The following CEP112 variants were observed in gnomAD, a reference collection of about 807,000 sequenced individuals.
CEP112 encodes the protein centrosomal protein 112, also known as centrosomal protein of 112 kDa.
A neutral mutation model predicts 153.0 loss-of-function variants in CEP112; 127 were observed. That is an observed-to-expected ratio of 0.83 (90% CI 0.72 to 0.96). The LOEUF (loss-of-function observed/expected upper bound fraction) is 0.96. CEP112 is among the 40% of genes least tolerant of loss of function. The pLI, the probability that CEP112 is intolerant of heterozygous loss-of-function variation, is 0.00. For synonymous variants in CEP112, 358 were observed against 374.4 expected, an observed-to-expected ratio of 0.96 and a Z score of 0.51; for missense variants, 1,089 against 1,101.2, an observed-to-expected ratio of 0.99 and a Z score of 0.16.
intron 23 of CEP112, among the ~76,000 whole-genome samples, chr17:65,719,300 C>T (rs776662646): frequency 2.0e-5 from 3 of 152,176 alleles, no homozygotes; most frequent in African/African-American, 7.2e-5. Context: ...TTAGTCCGGG[C>T]GCAGGGGCTC....
intron 19 of CEP112, among the ~76,000 whole-genome samples, chr17:65,917,386 T>C (rs552677268): frequency 2.0e-5 from 3 of 152,168 alleles, no homozygotes; most frequent in African/African-American, 7.2e-5. Flanking sequence ...ATCATACATA[T>C]CTAGAAATCA....
intron 8 of CEP112, among the ~76,000 whole-genome samples, chr17:66,085,985 A>AG (rs962970715): frequency 1.3e-5 from 2 of 151,636 alleles, no homozygotes; most frequent in Non-Finnish European, 2.9e-5. Context: ...GTCTCAAAAA[A>AG]AAAAAAAAAA....
chr17:65,841,301 C>T (rs2057507381), intron 21 of CEP112, among the ~76,000 whole-genome samples: 1 of 151,936 alleles, frequency 6.6e-6, no homozygotes, highest in Admixed American at 6.6e-5. Flanking sequence ...ATATACACAA[C>T]AGAGTATGAC....
chr17:65,825,458 G>A (rs1278205749), intron 21 of CEP112, among the ~76,000 whole-genome samples: 3 of 152,138 alleles, frequency 2.0e-5, no homozygotes, highest in Non-Finnish European at 4.4e-5. Context: ...GTACGGGTCT[G>A]CAGCCCAGGG....
At chr17:65,655,994 C>T (rs957941099) in intron 24 of CEP112, among the ~76,000 whole-genome samples, 1 of 152,192 alleles carries the variant, frequency 6.6e-6, no homozygotes, top group Non-Finnish European at 1.5e-5. Flanking sequence ...AGCATTTACT[C>T]CAGCATTATT....
At chr17:66,054,731 C>A (rs772183173) in intron 11 of CEP112, among the ~76,000 whole-genome samples, 13 of 152,160 alleles carry the variant, frequency 8.5e-5, no homozygotes, top group Non-Finnish European at 1.8e-4. Flanking sequence ...GGAGTCCAAA[C>A]AGTCCAAATG....
intron 8 of CEP112, among the ~76,000 whole-genome samples, chr17:66,081,626 A>G (rs2067721717): frequency 6.6e-6 from 1 of 151,866 alleles, no homozygotes. Context: ...AAAAAAAAAA[A>G]AGGCCTAATT....
At chr17:65,888,162 A>G (rs1171881283) in intron 20 of CEP112, among the ~76,000 whole-genome samples, 3 of 152,148 alleles carry the variant, frequency 2.0e-5, no homozygotes, top group Non-Finnish European at 2.9e-5. Flanking sequence ...GCTTGATGAG[A>G]GCAATTTAAT....
rs774515265 is a variant in CEP112, at chr17:65,743,268, C to G, written c.2458-51G>C. On this transcript the variant is annotated intron_variant, in intron 22 of 26. Coordinates refer to ENST00000535342, the MANE Select transcript of CEP112 (RefSeq NM_001199165.4). ...CTTCAAATTCTTCTGGGAGAGGCAT[C>G]TATTTTATATGTATTGATGCTTAAC... The G allele has an allele frequency of 7.6e-6, 11 of 1,453,492 alleles. No homozygotes were observed. In the East Asian group the frequency reaches 1.4e-4, roughly 18 times the overall value. 90.0% of individuals were successfully genotyped at this position (1,453,492 alleles called of 1,614,324 possible).
chr17:65,933,142 A>G (rs2061183508), intron 18 of CEP112, among the ~76,000 whole-genome samples: 1 of 152,152 alleles, frequency 6.6e-6, no homozygotes, highest in South Asian at 2.1e-4. Context: ...GAGTCACAGG[A>G]GCAAAAAGTA....
At chr17:66,126,547 T>C (rs1047397733) in intron 6 of CEP112, among the ~76,000 whole-genome samples, 3 of 151,876 alleles carry the variant, frequency 2.0e-5, no homozygotes, top group African/African-American at 4.8e-5. Flanking sequence ...AAAAAATATA[T>C]TGAGAAAGCA....
chr17:66,151,518 C>T (rs2071210037), intron 4 of CEP112, among the ~76,000 whole-genome samples: 1 of 152,120 alleles, frequency 6.6e-6, no homozygotes, highest in African/African-American at 2.4e-5. Context: ...TAAACAGAAT[C>T]CGACAAAAGT....
chr17:65,876,860 GC>G (rs1021511577), intron 20 of CEP112, among the ~76,000 whole-genome samples: 1 of 151,982 alleles, frequency 6.6e-6, no homozygotes, highest in Non-Finnish European at 1.5e-5. Flanking sequence ...TTTCAGAGCA[GC>G]CTGTTCTTCT....
intron 24 of CEP112, among the ~76,000 whole-genome samples, chr17:65,651,589 A>G (rs1011720292): frequency 2.6e-5 from 4 of 152,110 alleles, no homozygotes; most frequent in Non-Finnish European, 5.9e-5. Flanking sequence ...CATTGCATCC[A>G]CACCAAAATC....
intron 12 of CEP112, 93 bp from the exon 13 acceptor site, chr17:66,030,116 G>A: frequency 1.0e-6 from 1 of 994,010 alleles, no homozygotes; most frequent in Non-Finnish European, 1.4e-6. Flanking sequence ...TAATCTATAA[G>A]AATAAATAAA....
intron 6 of CEP112, among the ~76,000 whole-genome samples, chr17:66,125,619 T>C (rs779414512): frequency 6.6e-6 from 1 of 152,080 alleles, no homozygotes; most frequent in Non-Finnish European, 1.5e-5. Flanking sequence ...TGAAATTAGA[T>C]GCTTACTTAA....
At chr17:65,808,183 G>A (rs1598642692) in intron 21 of CEP112, among the ~76,000 whole-genome samples, 1 of 152,206 alleles carries the variant, frequency 6.6e-6, no homozygotes, top group African/African-American at 2.4e-5. Flanking sequence ...GTTGGGTTTT[G>A]GACTTGCGTG....
chr17:65,994,242 TC>T (rs1012132810), intron 17 of CEP112, among the ~76,000 whole-genome samples: 2 of 152,194 alleles, frequency 1.3e-5, no homozygotes, highest in Admixed American at 1.3e-4. Context: ...ATGCACTTTT[TC>T]CCTTGCATAG....
At chr17:66,027,618 A>C in intron 15 of CEP112, 58 bp from the exon 16 acceptor site, 1 of 1,065,598 alleles carries the variant, frequency 9.4e-7, no homozygotes, top group Non-Finnish European at 1.3e-6. Flanking sequence ...AGTCAATAAA[A>C]TTAGCAACCT....
Sources: allele counts gnomAD v4.1 joint callset (sites outside exome capture counted in the v4.1 genomes callset), GRCh38; gene constraint gnomAD v4.1.1; transcripts MANE v1.5; gene names NCBI Gene and HGNC (gene_info 2026-07-23, HGNC 2026-07-21).